The following ACOT7 variants were observed in gnomAD, a reference collection of about 807,000 sequenced individuals.
ACOT7 encodes the protein cytosolic acyl coenzyme A thioester hydrolase.
A neutral mutation model predicts 40.2 loss-of-function variants in ACOT7; 12 were observed. The ratio of observed to expected loss-of-function variants is 0.30; its 90% confidence interval spans 0.19 to 0.48. The LOEUF (loss-of-function observed/expected upper bound fraction) is 0.48. Ranked by LOEUF, ACOT7 falls within the 20% of genes least tolerant of loss-of-function variation. The probability of loss-of-function intolerance (pLI) is 0.99; values close to 1 mark genes in which losing one functional copy is unlikely to be tolerated. For missense variants in ACOT7, 395 were observed against 530.8 expected, an observed-to-expected ratio of 0.74 and a Z score of 2.51; for synonymous variants, 228 against 219.5, an observed-to-expected ratio of 1.04 and a Z score of -0.34.
intron 6 of ACOT7, among the ~76,000 whole-genome samples, chr1:6,304,966 G>C (rs1640088276): frequency 2.0e-5 from 3 of 149,420 alleles, no homozygotes; most frequent in Non-Finnish European, 3.0e-5. Flanking sequence ...TCCCAGTAGG[G>C]GCGGCCGGGC....
At chr1:6,329,948 G>A (rs1214516008) in intron 4 of ACOT7, among the ~76,000 whole-genome samples, 1 of 152,178 alleles carries the variant, frequency 6.6e-6, no homozygotes, top group South Asian at 2.1e-4. Flanking sequence ...GCTGCAGGCA[G>A]GCTGGGGAGG....
chr1:6,379,824 A>G (rs1416218616), intron 1 of ACOT7, among the ~76,000 whole-genome samples: 3 of 151,414 alleles, frequency 2.0e-5, no homozygotes, highest in African/African-American at 7.3e-5. Flanking sequence ...AATTTGAGAG[A>G]CTGAGGTGGG....
At chr1:6,333,260 G>A (rs1317474177) in intron 4 of ACOT7, among the ~76,000 whole-genome samples, 2 of 152,242 alleles carry the variant, frequency 1.3e-5, no homozygotes, top group Non-Finnish European at 2.9e-5. Flanking sequence ...CTCCCCACCC[G>A]TGTTTCCTCG....
chr1:6,347,559 G>A (rs1248991970), intron 2 of ACOT7, among the ~76,000 whole-genome samples: 1 of 152,178 alleles, frequency 6.6e-6, no homozygotes, highest in African/African-American at 2.4e-5. Context: ...GAAGTCAGGA[G>A]TTCGAGATCA....
At position 6,385,827 on chromosome 1, in the gene ACOT7, AG is replaced by A. The variant is rs149756563; in HGVS notation, c.143+7429del. The A allele has an allele frequency of 9.0e-3, 12,631 of 1,410,492 alleles. 870 individuals are homozygous for A. The African/African-American group carries it at 0.16, about 17-fold the overall frequency. The allele number at this position is 1,410,492 out of a possible 1,614,324, so 87.4% of individuals were successfully genotyped here. A position where few individuals can be genotyped will look rare whatever the true frequency, so the allele number is the denominator to read the frequency against. ...CTCCTAGGACCGCCCCTCCCCCACCAGCCCCCGGCAAGCCGCCTCCTCGGCT... is the reference window on the plus strand; with the variant it reads ...CTCCTAGGACCGCCCCTCCCCCACCACCCCCGGCAAGCCGCCTCCTCGGCT... On this transcript the variant is annotated intron_variant, in intron 1 of 8. Coordinates refer to ENST00000361521, the MANE Select transcript of ACOT7 (RefSeq NM_007274.4).
intron 1 of ACOT7, among the ~76,000 whole-genome samples, chr1:6,374,015 C>T (rs1362155607): frequency 6.6e-6 from 1 of 152,210 alleles, no homozygotes; most frequent in Non-Finnish European, 1.5e-5. Context: ...GTATCTCTTT[C>T]ACCTCCCACC....
chr1:6,390,338 G>A (rs1346407842), intron 1 of ACOT7, among the ~76,000 whole-genome samples: 5 of 152,144 alleles, frequency 3.3e-5, no homozygotes, highest in Non-Finnish European at 7.3e-5. Context: ...TTGGGAGGCC[G>A]AGGCGGGCAG....
In ACOT7 at chr1:6,306,444, C is replaced by T; in HGVS notation, c.713-11464G>A. The T allele has an allele frequency of 2.0e-6, 2 of 985,298 alleles. No homozygotes were observed. Among genetic ancestry groups the T allele is most frequent in the Non-Finnish European group, 2.4e-6 (2 of 829,906 alleles). The allele number at this position is 985,298 out of a possible 1,614,324, so 61.0% of individuals were successfully genotyped here. A position where few individuals can be genotyped will look rare whatever the true frequency, so the allele number is the denominator to read the frequency against. ...GAGTGATATGAACCCCACGCCCAGG[C>T]TTTCAGGGTTGACACCATCTCGGGG... On this transcript the variant is annotated intron_variant, in intron 6 of 8. Coordinates refer to ENST00000361521, the MANE Select transcript of ACOT7 (RefSeq NM_007274.4). This position sits in a 1 kb window ranked among gnomAD's most constrained non-coding sequence, Gnocchi z 4.3.
chr1:6,383,079 A>G (rs1004423489), intron 1 of ACOT7, among the ~76,000 whole-genome samples: 2 of 150,116 alleles, frequency 1.3e-5, no homozygotes. Flanking sequence ...GGGTTTCACC[A>G]TGTTGGCCAG....
At chr1:6,341,030 C>T (rs1384944435) in intron 2 of ACOT7, among the ~76,000 whole-genome samples, 1 of 151,830 alleles carries the variant, frequency 6.6e-6, no homozygotes, top group Non-Finnish European at 1.5e-5. Context: ...AGCAAGACTC[C>T]ATCTCAAAAA....
intron 1 of ACOT7, among the ~76,000 whole-genome samples, chr1:6,368,259 G>A (rs1642057709): frequency 6.6e-6 from 1 of 152,146 alleles, no homozygotes; most frequent in Non-Finnish European, 1.5e-5. Context: ...CAGGCTGTTT[G>A]TGCCAGCCTA....
At chr1:6,334,743 C>A (rs769164937) in intron 3 of ACOT7, among the ~76,000 whole-genome samples, 1 of 152,216 alleles carries the variant, frequency 6.6e-6, no homozygotes, top group Non-Finnish European at 1.5e-5. Context: ...GCTAAAGGAG[C>A]CTAGAGATCC....
chr1:6,351,884 A>G (rs531219809), intron 1 of ACOT7, among the ~76,000 whole-genome samples: 14 of 152,370 alleles, frequency 9.2e-5, no homozygotes, highest in Admixed American at 4.6e-4. Flanking sequence ...ATATGTGGGT[A>G]GCCTTTAAGA....
chr1:6,339,864 C>A (rs543823141), intron 2 of ACOT7, among the ~76,000 whole-genome samples: 2 of 151,328 alleles, frequency 1.3e-5, no homozygotes, highest in South Asian at 2.1e-4. Flanking sequence ...CTCAGCCTCC[C>A]GAGTAGCTAG....
rs1642579636 is a variant in ACOT7, at chr1:6,393,649, CTA to C, written c.-252_-251del. ...GCCGCGCCGGTGCGGGGAAGGCCCG[CTA>C]GCCGCGGCAGCCGCGCCCGACCCGG... On this transcript the variant is annotated 5_prime_UTR_variant, in exon 1 of 9. Coordinates refer to ENST00000361521, the MANE Select transcript of ACOT7 (RefSeq NM_007274.4). 1 of 282,646 alleles carries C rather than the reference CTA, an allele frequency of 3.5e-6. No individual in the cohort carries two copies. Among genetic ancestry groups the C allele is most frequent in the Non-Finnish European group, 6.5e-6 (1 of 154,886 alleles). 17.5% of individuals were successfully genotyped at this position (282,646 alleles called of 1,614,324 possible). A position where few individuals can be genotyped will look rare whatever the true frequency, so the allele number is the denominator to read the frequency against.
intron 4 of ACOT7, among the ~76,000 whole-genome samples, chr1:6,332,184 A>G (rs781057519): frequency 6.6e-6 from 1 of 152,188 alleles, no homozygotes; most frequent in African/African-American, 2.4e-5. Context: ...TGTATTCTAT[A>G]TATATATCTC....
At chr1:6,366,590 T>TAA (rs571854842) in intron 1 of ACOT7, among the ~76,000 whole-genome samples, 2,889 of 90,832 alleles carry the variant, frequency 0.032, 91 homozygotes, top group African/African-American at 0.1. Flanking sequence ...CTATCTCAAA[T>TAA]AAAAAAAAAA....
chr1:6,280,552 G>T (rs1010526762), intron 8 of ACOT7, among the ~76,000 whole-genome samples: 9 of 152,202 alleles, frequency 5.9e-5, no homozygotes, highest in Non-Finnish European at 1.0e-4. Flanking sequence ...TGCATGAGGA[G>T]GAGAAAGGCC....
chr1:6,305,590 G>A (rs1266939149), intron 6 of ACOT7, among the ~76,000 whole-genome samples: 5 of 151,672 alleles, frequency 3.3e-5, no homozygotes, highest in South Asian at 2.1e-4. Flanking sequence ...CATCCCAGAC[G>A]GGGCGGCAGG....
Sources: gnomAD v4.1 joint callset for allele counts (sites outside exome capture counted in the v4.1 genomes callset) on GRCh38, gnomAD v4.1.1 for gene constraint, Gnocchi (gnomAD v3.1) non-coding constraint, MANE v1.5 for transcripts, NCBI Gene and HGNC (gene_info 2026-07-23, HGNC 2026-07-21) for gene names.